CNOT6: variants seen among roughly 807,000 people sequenced by gnomAD.
CNOT6 encodes CCR4-NOT transcription complex subunit 6.
CNOT6 carries 12 observed loss-of-function variants against 61.2 expected under a neutral mutation model. The ratio of observed to expected loss-of-function variants is 0.20; its 90% CI spans 0.13 to 0.32. The LOEUF is 0.32. Ranked by LOEUF, CNOT6 falls within the 10% of genes least tolerant of loss-of-function variation. The pLI is 1.00. For missense variants in CNOT6, 405 were observed against 663.9 expected (o/e 0.61, Z 4.28); for synonymous variants, 225 against 240.6 (o/e 0.94, Z 0.60).
chr5:180,505,874 A>G (rs1271952468), intron 1 of CNOT6, among the ~76,000 whole-genome samples: 3 of 152,192 alleles, frequency 2.0e-5, no homozygotes, highest in African/African-American at 7.2e-5. Flanking sequence ...TTAAGACTGC[A>G]AAAGGGTCCC....
intron 2 of CNOT6, among the ~76,000 whole-genome samples, chr5:180,548,454 G>GTTCTC: frequency 6.6e-6 from 1 of 152,240 alleles, no homozygotes; most frequent in South Asian, 2.1e-4. Context: ...ACTTCTCTCT[G>GTTCTC]TTCTCTTCTC....
intron 1 of CNOT6, among the ~76,000 whole-genome samples, chr5:180,520,743 AAC>A (rs1757846014): frequency 6.6e-6 from 1 of 152,174 alleles, no homozygotes; most frequent in African/African-American, 2.4e-5. Context: ...TATGAGTTAC[AAC>A]AGTTTAGTTA....
chr5:180,565,296 G>A (rs938506885), intron 6 of CNOT6, among the ~76,000 whole-genome samples: 1 of 152,214 alleles, frequency 6.6e-6, no homozygotes, highest in Non-Finnish European at 1.5e-5. Flanking sequence ...GAGGAAAGTG[G>A]AACTAATGAC....
intron 8 of CNOT6, 110 bp from the exon 9 acceptor site, chr5:180,567,739 A>T: frequency 1.4e-6 from 2 of 1,428,424 alleles, no homozygotes; most frequent in South Asian, 2.4e-5. Flanking sequence ...AATGTGATTT[A>T]AGTGCCATCG....
intron 1 of CNOT6, among the ~76,000 whole-genome samples, chr5:180,518,901 C>T (rs1056432659): frequency 1.3e-5 from 2 of 152,008 alleles, no homozygotes; most frequent in African/African-American, 4.8e-5. Flanking sequence ...CTTGTAGAGA[C>T]GAGTTCTTGC....
chr5:180,528,901 A>C (rs1160868200), intron 1 of CNOT6, among the ~76,000 whole-genome samples: 1 of 152,096 alleles, frequency 6.6e-6, no homozygotes, highest in Non-Finnish European at 1.5e-5. Flanking sequence ...AGAGATTGTA[A>C]TATGGGTGTC....
chr5:180,535,044 C>G (rs1034804949), intron 2 of CNOT6, among the ~76,000 whole-genome samples: 1 of 104,668 alleles, frequency 9.6e-6, no homozygotes, highest in Admixed American at 9.7e-5. Context: ...TGGCATGGGC[C>G]GGAGTCCCTG....
chr5:180,559,636 A>G (rs998613654), intron 4 of CNOT6, among the ~76,000 whole-genome samples: 3 of 151,796 alleles, frequency 2.0e-5, no homozygotes, highest in African/African-American at 7.3e-5. Context: ...CTGCCATTTT[A>G]TTTTTTTGTT....
chr5:180,537,513 C>G (rs1205745198), intron 2 of CNOT6, among the ~76,000 whole-genome samples: 1 of 151,664 alleles, frequency 6.6e-6, no homozygotes, highest in Non-Finnish European at 1.5e-5. Context: ...TTTTTTTAAA[C>G]TTTTAAAAAA....
intron 3 of CNOT6, 88 bp downstream of exon 3, chr5:180,550,205 A>C: frequency 1.9e-6 from 2 of 1,043,822 alleles, no homozygotes; most frequent in Non-Finnish European, 2.8e-6. Flanking sequence ...CTGTAATTCT[A>C]GCGTTTTGGG....
chr5:180,564,735 G>A lies in CNOT6; in HGVS notation c.551G>A (p.Arg184Lys). Residue 184 changes from arginine to lysine, a missense_variant, in exon 6 of 12, where the codon AGG becomes AAG. Transcript: ENST00000261951. ...ATGTTACAAGAACCAGATAGGACAA[G>A]GCCAACTGGTTGGTAGTCTTTTATT... is the stretch of plus-strand genomic sequence containing the variant. ...WIMLQEPDRT[R>K]PTALFSVMCY... 6.2e-7 allele frequency: 1 copy of A among 1,612,826 alleles called. No homozygotes were observed. Among genetic ancestry groups the A allele is most frequent in the Non-Finnish European group, 8.5e-7 (1 of 1,178,830 alleles).
At chr5:180,557,457 AT>A (rs1759955088) in intron 4 of CNOT6, among the ~76,000 whole-genome samples, 1 of 152,054 alleles carries the variant, frequency 6.6e-6, no homozygotes, top group Non-Finnish European at 1.5e-5. Context: ...CATGGTTTTG[AT>A]TTACATTTCC....
intron 2 of CNOT6, among the ~76,000 whole-genome samples, chr5:180,532,794 T>G (rs2127724374): frequency 6.6e-6 from 1 of 152,338 alleles, no homozygotes; most frequent in South Asian, 2.1e-4. Flanking sequence ...TTGGGTTCAG[T>G]TAATTTGCTG....
chr5:180,496,704 C>G (rs998865222), intron 1 of CNOT6, among the ~76,000 whole-genome samples: 1 of 152,166 alleles, frequency 6.6e-6, no homozygotes, highest in Non-Finnish European at 1.5e-5. Flanking sequence ...ACTGTCACAA[C>G]GTAGTGAGAC....
intron 1 of CNOT6, among the ~76,000 whole-genome samples, chr5:180,495,168 C>T (rs1236883537): frequency 2.6e-5 from 4 of 152,224 alleles, no homozygotes; most frequent in Non-Finnish European, 5.9e-5. Context: ...GAGTGTGGAG[C>T]TTCGCGCTCC....
rs1465706477 is a variant in CNOT6, at chr5:180,568,634, C to G, written c.1028-476C>G. Among the ~76,000 whole-genome samples, 4 of 151,930 alleles carry G rather than the reference C, an allele frequency of 2.6e-5. No individual in the cohort carries two copies. In the East Asian group the frequency reaches 7.7e-4, roughly 29 times the overall value. On this transcript the variant is annotated intron_variant, in intron 9 of 11. Transcript: ENST00000261951. ...TCTTGAGTTTTGGATAAATGGACCACTTCAAATTGAAAGCATATTTCAAGT... is the reference window on the plus strand; with the variant it reads ...TCTTGAGTTTTGGATAAATGGACCAGTTCAAATTGAAAGCATATTTCAAGT...
chr5:180,520,848 AT>A (rs915949908), intron 1 of CNOT6, among the ~76,000 whole-genome samples: 49 of 147,634 alleles, frequency 3.3e-4, no homozygotes, highest in East Asian at 2.6e-3. Context: ...TTATTTTATT[AT>A]TTTTTTTTTT....
intron 1 of CNOT6, among the ~76,000 whole-genome samples, chr5:180,527,930 CTG>C (rs1323421164): frequency 6.6e-6 from 1 of 152,134 alleles, no homozygotes; most frequent in African/African-American, 2.4e-5. Flanking sequence ...GGGACCTAGG[CTG>C]TGCGTTCCTT....
rs1381919182 is a variant in CNOT6 at position 180,575,867 on chromosome 5, G to T, written c.*1667G>T. 6.6e-6 allele frequency: 1 copy of T among 151,868 alleles called. No individual in the cohort carries two copies. The highest frequency in any genetic ancestry group is 1.5e-5 in the Non-Finnish European group (1 of 67,890). The allele number at this position is 151,868 out of a possible 1,614,324, so 9.4% of individuals were successfully genotyped here. Reference sequence around the variant, plus strand: ...TACTAACAATTTTTATACAGAAAATGAGTCATTTTGGAAATGATTCTTATG... The same window carrying T: ...TACTAACAATTTTTATACAGAAAATTAGTCATTTTGGAAATGATTCTTATG... On this transcript the variant is annotated 3_prime_UTR_variant, in exon 12 of 12. Coordinates refer to ENST00000261951, the MANE Select transcript of CNOT6 (RefSeq NM_001370472.1).
Sources: allele counts gnomAD v4.1 joint callset (sites outside exome capture counted in the v4.1 genomes callset), GRCh38; gene constraint gnomAD v4.1.1; transcripts MANE v1.5; gene names NCBI Gene and HGNC (gene_info 2026-07-23, HGNC 2026-07-21).